The following ACO2 variants were observed in gnomAD, a reference collection of about 807,000 sequenced individuals.
The protein encoded by ACO2 is aconitase 2.
Under a neutral mutation model 84.5 loss-of-function variants are expected in ACO2, and 31 were observed. The observed-to-expected ratio is 0.37, with a 90% CI of 0.28 to 0.50. The LOEUF (loss-of-function observed/expected upper bound fraction) is 0.50. ACO2 is among the 20% of genes least tolerant of loss of function. The pLI, the probability that ACO2 is intolerant of heterozygous loss-of-function variation, is 0.97. For synonymous variants in ACO2, 414 were observed against 412.7 expected, an observed-to-expected ratio of 1.00 and a Z score of -0.04; for missense variants, 685 against 1,029.3, an observed-to-expected ratio of 0.67 and a Z score of 4.58.
chr22:41,525,414 GA>G (rs2066573593), intron 14 of ACO2, 66 bp downstream of exon 14: 2 of 1,583,958 alleles, frequency 1.3e-6, no homozygotes, highest in Non-Finnish European at 1.7e-6. Flanking sequence ...TGAGCATCGG[GA>G]AGGGCCATGA....
At chr22:41,501,076 T>C (rs1350826127) in intron 2 of ACO2, among the ~76,000 whole-genome samples, 1 of 152,026 alleles carries the variant, frequency 6.6e-6, no homozygotes, top group Non-Finnish European at 1.5e-5. Context: ...CGATCACAGC[T>C]CACTGCAACC....
intron 3 of ACO2, among the ~76,000 whole-genome samples, chr22:41,511,457 C>T (rs2066432566): frequency 6.6e-6 from 1 of 152,258 alleles, no homozygotes; most frequent in Non-Finnish European, 1.5e-5. Flanking sequence ...CAGGCGTGAG[C>T]CACTGCACCC....
intron 1 of ACO2, 147 bp downstream of exon 1, chr22:41,469,329 C>T (rs1357310323): frequency 1.0e-6 from 1 of 964,648 alleles, no homozygotes; most frequent in Non-Finnish European, 1.5e-6. Context: ...CACCCGTGCC[C>T]GCTTCTCTGG....
Position 41,527,386 on chromosome 22 carries a change from G to A in ACO2, c.2052G>A (p.Arg684=), listed in dbSNP as rs2066623541. 4 of 1,613,366 alleles carry A rather than the reference G, an allele frequency of 2.5e-6. No homozygotes were observed. Among genetic ancestry groups the A allele is most frequent in the African/African-American group, 2.7e-5 (2 of 74,904 alleles). Residue 684 remains arginine, a synonymous_variant, in exon 16 of 18, where the codon CGG becomes CGA. Coordinates refer to ENST00000216254, the MANE Select transcript of ACO2 (RefSeq NM_001098.3). The part of the protein sequence containing the change: ...AALEPRHLGG[R]AIITKSFARI... ...TGGAGCCTCGCCACCTTGGGGGCCG[G>A]GCCATCATCACCAAGAGCTTTGCCA...
rs369875747 is a variant in ACO2, at chr22:41,490,368, T to G, written c.37-9358T>G. Among the ~76,000 whole-genome samples, 85 of 152,338 alleles carry G rather than the reference T, an allele frequency of 5.6e-4. No individual in the cohort carries two copies. In the South Asian group the frequency reaches 7.3e-3, roughly 13 times the overall value. On this transcript the variant is annotated intron_variant, in intron 1 of 17. Transcript: ENST00000216254. ...TCAAATCTAACAGAAAATTTGACAT[T>G]TTAACCACTTTCAGTGTTCAATTCA...
At chr22:41,478,648 G>A (rs754180760) in intron 1 of ACO2, among the ~76,000 whole-genome samples, 1 of 152,098 alleles carries the variant, frequency 6.6e-6, no homozygotes, top group Non-Finnish European at 1.5e-5. Flanking sequence ...TTTCCCCCTG[G>A]AGAGATTGAG....
At chr22:41,498,282 A>G (rs757209263) in intron 1 of ACO2, among the ~76,000 whole-genome samples, 57 of 152,338 alleles carry the variant, frequency 3.7e-4, no homozygotes, top group Admixed American at 1.9e-3. Flanking sequence ...CCTGCACTCC[A>G]GCCTGGACAA....
chr22:41,477,881 G>A (rs1426467360), intron 1 of ACO2, among the ~76,000 whole-genome samples: 3 of 151,978 alleles, frequency 2.0e-5, no homozygotes, highest in Admixed American at 6.6e-5. Flanking sequence ...TGTGGCCAAT[G>A]TAGTGAAACC....
intron 14 of ACO2, 80 bp from the exon 15 acceptor site, chr22:41,526,182 G>A: frequency 1.4e-6 from 2 of 1,383,894 alleles, no homozygotes. Context: ...CCCGGGGCCT[G>A]CTGCCTGCCT....
rs892559684 is a variant in ACO2 at position 41,525,267 on chromosome 22, C to T, written c.1680C>T (p.Pro560=). 1 of 1,614,092 alleles carries T rather than the reference C, an allele frequency of 6.2e-7. No individual in the cohort carries two copies. The highest frequency in any genetic ancestry group is 1.3e-5 in the African/African-American group (1 of 75,046). The change falls in exon 14 of 18, where the codon CCC becomes CCT. Residue 560 remains proline (P), a synonymous_variant. Coordinates refer to ENST00000216254, the MANE Select transcript of ACO2 (RefSeq NM_001098.3). ...GCGGGCAGCATGTGGACGTGAGCCC[C>T]ACCAGCCAGCGCCTGCAGCTCCTGG... ...DSSGQHVDVS[P]TSQRLQLLEP...
At chr22:41,512,668 G>T (rs1294984275) in intron 4 of ACO2, among the ~76,000 whole-genome samples, 4 of 152,236 alleles carry the variant, frequency 2.6e-5, no homozygotes, top group African/African-American at 9.6e-5. Context: ...GTAGGGTGAA[G>T]GTACCATAGG....
intron 4 of ACO2, among the ~76,000 whole-genome samples, chr22:41,513,967 C>T (rs764523122): frequency 2.0e-5 from 3 of 152,028 alleles, no homozygotes; most frequent in South Asian, 4.1e-4. Context: ...GTGTCTACAC[C>T]GTGTAGACCA....
intron 16 of ACO2, 138 bp from the exon 17 acceptor site, chr22:41,527,763 A>G: frequency 7.1e-7 from 1 of 1,418,088 alleles, no homozygotes; most frequent in Non-Finnish European, 9.6e-7. Flanking sequence ...GGAGCAGACC[A>G]GGGCCCCATA....
At chr22:41,507,185 T>C (rs1435942269) in intron 2 of ACO2, among the ~76,000 whole-genome samples, 2 of 152,116 alleles carry the variant, frequency 1.3e-5, no homozygotes, top group African/African-American at 4.8e-5. Flanking sequence ...GATACTCCTG[T>C]CTATGTCTGG....
intron 1 of ACO2, among the ~76,000 whole-genome samples, chr22:41,491,061 C>T (rs998487060): frequency 5.3e-5 from 8 of 151,810 alleles, no homozygotes; most frequent in African/African-American, 1.9e-4. Context: ...GAGAAGGATT[C>T]CCTGAGAAAG....
chr22:41,508,345 G>C (rs1034961879), intron 3 of ACO2, among the ~76,000 whole-genome samples: 33 of 152,086 alleles, frequency 2.2e-4, no homozygotes, highest in African/African-American at 7.2e-4. Flanking sequence ...GCTCTGGAAG[G>C]GGCCATGCAG....
intron 1 of ACO2, among the ~76,000 whole-genome samples, chr22:41,490,410 T>C (rs2066263574): frequency 6.6e-6 from 1 of 152,214 alleles, no homozygotes; most frequent in African/African-American, 2.4e-5. Context: ...CTAATTATGT[T>C]CATAATGTTG....
Position 41,523,271 on chromosome 22 carries a change from T to C in ACO2, c.1363T>C (p.Trp455Arg). ...ANACGPCIGQ[W>R]DRKDIKKGEK... ...TGCTTGTGGCCCCTGCATTGGCCAG[T>C]GGGACAGGTAAGAGGCGTATCTTTT... The change falls in exon 11 of 18, where the codon TGG becomes CGG. Residue 455 changes from tryptophan (W) to arginine (R), a missense_variant. Trp to Arg is a moderately radical substitution (Grantham distance 101). Coordinates refer to ENST00000216254, the MANE Select transcript of ACO2 (RefSeq NM_001098.3). The C allele has an allele frequency of 6.2e-7, 1 of 1,610,422 alleles. No homozygotes were observed. Among genetic ancestry groups the C allele is most frequent in the Non-Finnish European group, 8.5e-7 (1 of 1,177,656 alleles).
chr22:41,517,391 C>T (rs745686653), intron 6 of ACO2, 136 bp from the exon 7 acceptor site: 15 of 721,434 alleles, frequency 2.1e-5, no homozygotes, highest in African/African-American at 8.7e-5. Context: ...TGAGTCGGCC[C>T]GCTGTCACCA....
Sources: allele counts gnomAD v4.1 joint callset (sites outside exome capture counted in the v4.1 genomes callset), GRCh38; gene constraint gnomAD v4.1.1; transcripts MANE v1.5; gene names NCBI Gene and HGNC (gene_info 2026-07-23, HGNC 2026-07-21).